The following SPRED1 variants were observed in gnomAD, a reference collection of about 807,000 sequenced individuals.
SPRED1 encodes the protein sprouty-related, EVH1 domain-containing protein 1.
A neutral mutation model predicts 52.3 loss-of-function variants in SPRED1; 18 were observed. The observed-to-expected ratio is 0.34, with a 90% confidence interval of 0.24 to 0.51. The LOEUF (loss-of-function observed/expected upper bound fraction) is 0.51, where lower values mean the gene tolerates loss of function less well. Among genes scored for constraint, SPRED1 ranks in the 20% least tolerant of loss-of-function variants. The pLI is 0.97. For missense variants in SPRED1, 485 were observed against 551.0 expected (o/e 0.88, Z 1.20); for synonymous variants, 155 against 179.7 (o/e 0.86, Z 1.10).
intron 1 of SPRED1, among the ~76,000 whole-genome samples, chr15:38,260,120 G>A (rs1000850429): frequency 6.6e-6 from 1 of 152,262 alleles, no homozygotes; most frequent in South Asian, 2.1e-4. Flanking sequence ...CTTTAACAAC[G>A]TACTACAAAT....
intron 3 of SPRED1, 64 bp from the exon 4 acceptor site, chr15:38,324,699 G>A (rs1895674664): frequency 3.3e-6 from 4 of 1,223,198 alleles, no homozygotes; most frequent in Non-Finnish European, 3.5e-6. Context: ...TAATCAATTA[G>A]TCATTAATAC....
intron 4 of SPRED1, among the ~76,000 whole-genome samples, chr15:38,337,033 T>C (rs1410306736): frequency 1.3e-5 from 2 of 152,224 alleles, no homozygotes; most frequent in African/African-American, 4.8e-5. Context: ...TTTGCTAGAT[T>C]CAAGAAGTGG....
At chr15:38,309,430 C>T (rs544296469) in intron 2 of SPRED1, among the ~76,000 whole-genome samples, 5 of 152,278 alleles carry the variant, frequency 3.3e-5, no homozygotes, top group East Asian at 3.9e-4. Context: ...CGTGAGCCAC[C>T]GTACCCAGCC....
At chr15:38,277,656 G>A (rs1595720700) in intron 1 of SPRED1, among the ~76,000 whole-genome samples, 1 of 152,162 alleles carries the variant, frequency 6.6e-6, no homozygotes, top group Admixed American at 6.5e-5. Flanking sequence ...TTGCTGGCTT[G>A]AATAATAATT....
At chr15:38,299,086 C>T (rs536769726) in intron 1 of SPRED1, among the ~76,000 whole-genome samples, 34 of 152,216 alleles carry the variant, frequency 2.2e-4, no homozygotes, top group South Asian at 1.2e-3. Context: ...ACAACTTGTT[C>T]CGTGGCAATC....
chr15:38,333,351 T>C (rs544438511), intron 4 of SPRED1, among the ~76,000 whole-genome samples: 1 of 152,192 alleles, frequency 6.6e-6, no homozygotes, highest in South Asian at 2.1e-4. Context: ...AAATCAGAAG[T>C]ATGAAACATC....
chr15:38,256,755 A>G (rs1240143912), intron 1 of SPRED1, among the ~76,000 whole-genome samples: 5 of 152,152 alleles, frequency 3.3e-5, no homozygotes, highest in Non-Finnish European at 7.4e-5. Context: ...GTTATTTTTG[A>G]TAAGTGTAAA....
Position 38,351,301 on chromosome 15 carries a change from A to C in SPRED1, c.972A>C (p.Lys324Asn). 2 of 1,614,120 alleles carry C rather than the reference A, an allele frequency of 1.2e-6. No individual in the cohort carries two copies. Among genetic ancestry groups the C allele is most frequent in the South Asian group, 2.2e-5 (2 of 91,088 alleles). ...CCTCATTAAAAATTAAGAAGTCAAAACGAAGAAAAGAGGATGGTGAACGTT... is the reference window on the plus strand; with the variant it reads ...CCTCATTAAAAATTAAGAAGTCAAACCGAAGAAAAGAGGATGGTGAACGTT... ...QPSSLKIKKS[K>N]RRKEDGERSR... Residue 324 changes from lysine to asparagine, a missense_variant, in exon 7 of 7, where the codon AAA becomes AAC. Lys to Asn is a moderately conservative substitution (Grantham distance 94). Transcript: ENST00000299084.
intron 5 of SPRED1, among the ~76,000 whole-genome samples, chr15:38,347,485 T>TTTC (rs869310453): frequency 1.5e-4 from 14 of 94,094 alleles, no homozygotes; most frequent in African/African-American, 5.3e-4. Flanking sequence ...TTTTTTTTTT[T>TTTC]CAATTTGGCT....
chr15:38,257,451 A>T (rs142403244), intron 1 of SPRED1, among the ~76,000 whole-genome samples: 7 of 152,248 alleles, frequency 4.6e-5, no homozygotes, highest in Non-Finnish European at 8.8e-5. Context: ...TTACCCGTTT[A>T]AGAAGGCTTA....
intron 2 of SPRED1, among the ~76,000 whole-genome samples, chr15:38,311,534 T>C (rs1895367649): frequency 1.3e-5 from 2 of 152,182 alleles, no homozygotes; most frequent in Admixed American, 1.3e-4. Context: ...GAATTTTTCA[T>C]TGAAACTATC....
intron 5 of SPRED1, among the ~76,000 whole-genome samples, chr15:38,340,995 A>ATTT (rs36150872): frequency 0.23 from 29,241 of 128,132 alleles, 3,797 homozygotes; most frequent in Middle Eastern, 0.32. Context: ...CTGGGCCTGG[A>ATTT]TTTTTTTTTT....
chr15:38,289,612 A>G (rs1894880146), intron 1 of SPRED1, among the ~76,000 whole-genome samples: 1 of 152,184 alleles, frequency 6.6e-6, no homozygotes, highest in African/African-American at 2.4e-5. Context: ...ACTTCAGTGG[A>G]TAACCTTTCC....
Position 38,352,813 on chromosome 15 carries a change from T to A in SPRED1, c.*1149T>A, listed in dbSNP as rs1483652967. On this transcript the variant is annotated 3_prime_UTR_variant, in exon 7 of 7. Coordinates refer to ENST00000299084, the MANE Select transcript of SPRED1 (RefSeq NM_152594.3). ...TAACTTTTTATCAGTTACATTTTAT[T>A]TTTATTTAAACTGGCCAAAAGCAAA... is the stretch of plus-strand genomic sequence containing the variant. 2.0e-5 allele frequency: 3 copies of A among 152,140 alleles called. No individual in the cohort carries two copies. The highest frequency in any genetic ancestry group is 2.9e-5 in the Non-Finnish European group (2 of 67,948). The allele number at this position is 152,140 out of a possible 1,614,324, so 9.4% of individuals were successfully genotyped here. A position where few individuals can be genotyped will look rare whatever the true frequency, so the allele number is the denominator to read the frequency against.
At chr15:38,343,422 A>G (rs1467610030) in intron 5 of SPRED1, among the ~76,000 whole-genome samples, 1 of 152,162 alleles carries the variant, frequency 6.6e-6, no homozygotes, top group Non-Finnish European at 1.5e-5. Context: ...GAGACTGTAA[A>G]GACAGGAGAA....
chr15:38,340,006 A>G, intron 5 of SPRED1, 111 bp downstream of exon 5: 6 of 1,343,862 alleles, frequency 4.5e-6, no homozygotes, highest in Non-Finnish European at 6.2e-6. Flanking sequence ...CAGTAAACAA[A>G]CAAACAAAAA....
At chr15:38,312,999 C>T (rs1197554042) in intron 2 of SPRED1, among the ~76,000 whole-genome samples, 1 of 151,888 alleles carries the variant, frequency 6.6e-6, no homozygotes, top group Non-Finnish European at 1.5e-5. Context: ...TTGAATGTAT[C>T]ATTTTCTCCC....
At chr15:38,341,510 T>C (rs1219915179) in intron 5 of SPRED1, among the ~76,000 whole-genome samples, 1 of 152,118 alleles carries the variant, frequency 6.6e-6, no homozygotes, top group African/African-American at 2.4e-5. Flanking sequence ...TCTAGTTTAT[T>C]CATTTTTAAT....
At chr15:38,290,822 G>A (rs973653817) in intron 1 of SPRED1, among the ~76,000 whole-genome samples, 2 of 152,088 alleles carry the variant, frequency 1.3e-5, no homozygotes, top group Non-Finnish European at 2.9e-5. Flanking sequence ...CAACATGTGG[G>A]AATTCTGAGA....
Sources: allele counts gnomAD v4.1 joint callset (sites outside exome capture counted in the v4.1 genomes callset), GRCh38; gene constraint gnomAD v4.1.1; transcripts MANE v1.5; gene names NCBI Gene and HGNC (gene_info 2026-07-23, HGNC 2026-07-21).